FGFR1: variants seen among roughly 807,000 people sequenced by gnomAD.
FGFR1 encodes the protein FGFR1/PLAG1 fusion.
Under a neutral mutation model 93.7 loss-of-function variants are expected in FGFR1, and 18 were observed. The ratio of observed to expected loss-of-function variants is 0.19; its 90% CI spans 0.13 to 0.28. The LOEUF is 0.28. Among genes scored for constraint, FGFR1 ranks in the 10% least tolerant of loss-of-function variants. FGFR1 has a pLI of 1.00. For synonymous variants in FGFR1, 448 were observed against 429.3 expected, an observed-to-expected ratio of 1.04 and a Z score of -0.54; for missense variants, 731 against 1,080.4, an observed-to-expected ratio of 0.68 and a Z score of 4.53.
intron 2 of FGFR1, chr8:38,435,548 A>G (rs1276358221): frequency 6.6e-6 from 1 of 152,250 alleles, no homozygotes; most frequent in East Asian, 1.9e-4. Flanking sequence ...GGGGAGTTCT[A>G]TGTAAGGTGG....
rs1416150080 is a variant in FGFR1, at chr8:38,426,052, C to A, written c.745+70G>T. On this transcript the variant is annotated intron_variant, in intron 6 of 17. Transcript: ENST00000447712. The surrounding 1 kb of genome is among the most constrained non-coding windows in gnomAD (Gnocchi z 4.1). ...ACTCTGCCCCTAAGAAACCTGGACA[C>A]CCCGGCTGTGTTCTCCAAGCCTGGC... 5.0e-6 allele frequency: 8 copies of A among 1,609,034 alleles called. No individual in the cohort carries two copies. In the African/African-American group the frequency reaches 6.7e-5, roughly 13 times the overall value.
At chr8:38,452,952 C>T (rs898005936) in intron 2 of FGFR1, among the ~76,000 whole-genome samples, 4 of 152,042 alleles carry the variant, frequency 2.6e-5, no homozygotes, top group East Asian at 3.9e-4. Context: ...ACTCCAGCCT[C>T]GCGACAGAGT....
intron 2 of FGFR1, among the ~76,000 whole-genome samples, chr8:38,448,031 C>T (rs189943195): frequency 1.3e-5 from 2 of 152,286 alleles, no homozygotes; most frequent in Non-Finnish European, 2.9e-5. Context: ...AGTTCTTAAG[C>T]ATAATGAAAA....
At chr8:38,436,589 C>T (rs1166105808) in intron 2 of FGFR1, among the ~76,000 whole-genome samples, 1 of 151,994 alleles carries the variant, frequency 6.6e-6, no homozygotes, top group Non-Finnish European at 1.5e-5. Flanking sequence ...AGGCTGCAAC[C>T]AGTGCTCCTT....
chr8:38,427,733 A>G (rs1175927478), intron 5 of FGFR1, among the ~76,000 whole-genome samples, 188 bp downstream of exon 5: 4 of 152,270 alleles, frequency 2.6e-5, no homozygotes, highest in Admixed American at 6.5e-5. Context: ...TGTAAAAACC[A>G]TATTACAGAA....
intron 11 of FGFR1, among the ~76,000 whole-genome samples, 200 bp downstream of exon 11, chr8:38,417,669 GT>G (rs1817178030): frequency 6.6e-6 from 1 of 152,122 alleles, no homozygotes; most frequent in South Asian, 2.1e-4. Context: ...CACAGCCCAG[GT>G]TGACGCCAAG....
chr8:38,416,126 G>C (rs2150596032), intron 12 of FGFR1, 66 bp from the exon 13 acceptor site: 1 of 1,421,924 alleles, frequency 7.0e-7, no homozygotes, highest in Non-Finnish European at 9.6e-7. Flanking sequence ...TCACCTCAAA[G>C]AAACCCCACC....
chr8:38,423,004 T>C lies in FGFR1; in HGVS notation c.937-1063A>G, dbSNP rs1235035090. ...CCTACATCAAATCCCCAGCACAGGG[T>C]CCCATCCATCTCCCCATTACCTTTT... On this transcript the variant is annotated intron_variant, in intron 7 of 17. Transcript: ENST00000447712. 7 of 779,168 alleles carry C rather than the reference T, an allele frequency of 9.0e-6. No individual in the cohort carries two copies. In the East Asian group the frequency reaches 1.7e-4, roughly 19 times the overall value. The allele number at this position is 779,168 out of a possible 1,614,324, so 48.3% of individuals were successfully genotyped here.
At chr8:38,446,422 G>C (rs746523698) in intron 2 of FGFR1, among the ~76,000 whole-genome samples, 4 of 151,048 alleles carry the variant, frequency 2.6e-5, no homozygotes, top group Non-Finnish European at 5.9e-5. Flanking sequence ...TGTTGCCCAG[G>C]CTGGTCTCGA....
chr8:38,419,089 C>T (rs1817787442), intron 9 of FGFR1, among the ~76,000 whole-genome samples: 1 of 152,222 alleles, frequency 6.6e-6, no homozygotes, highest in African/African-American at 2.4e-5. Flanking sequence ...GAGGCCTCCC[C>T]AGCCACGTGG....
intron 1 of FGFR1, chr8:38,459,088 A>G: frequency 4.4e-6 from 1 of 228,696 alleles, no homozygotes; most frequent in Non-Finnish European, 8.7e-6. Context: ...AAAACTTAAA[A>G]CTCCCCAGGG....
In FGFR1 at chr8:38,417,885, C is replaced by A. The variant is rs1085307722; in HGVS notation, c.1537G>T (p.Val513Leu). Reference sequence around the variant, plus strand: ...CATCACTTACACTTCAACATCTTCACAGCCACTTTGGTCACACGGTTGGGT... The same window carrying A: ...CATCACTTACACTTCAACATCTTCAAAGCCACTTTGGTCACACGGTTGGGT... ...DKPNRVTKVA[V>L]KMLKSDATEK... The change falls in exon 11 of 18, where the codon GTG becomes TTG. Residue 513 changes from valine (V) to leucine (L), a missense_variant. Physicochemically the swap from Val to Leu is conservative, Grantham distance 32. Coordinates refer to ENST00000447712, the MANE Select transcript of FGFR1 (RefSeq NM_023110.3). 6.2e-7 allele frequency: 1 copy of A among 1,614,220 alleles called. No individual in the cohort carries two copies. Among genetic ancestry groups the A allele is most frequent in the South Asian group, 1.1e-5 (1 of 91,082 alleles).
At chr8:38,423,312 G>GTT (rs58594253) in intron 7 of FGFR1, 39,042 of 347,908 alleles carry the variant, frequency 0.11, 2,381 homozygotes, top group East Asian at 0.15. Context: ...TTCCCTTTTA[G>GTT]TTTTTTTTTT....
chr8:38,443,438 T>C (rs376104030), intron 2 of FGFR1, among the ~76,000 whole-genome samples: 3 of 150,844 alleles, frequency 2.0e-5, no homozygotes, highest in Admixed American at 2.0e-4. Flanking sequence ...GGTGAGAGGA[T>C]TGTTTGAGTC....
At chr8:38,432,688 G>A (rs539399735) in intron 2 of FGFR1, among the ~76,000 whole-genome samples, 4 of 152,214 alleles carry the variant, frequency 2.6e-5, no homozygotes, top group South Asian at 2.1e-4. Context: ...GAGCCATGGC[G>A]CCCAGCCGGG....
chr8:38,465,093 C>T (rs1176617427), intron 1 of FGFR1, among the ~76,000 whole-genome samples: 3 of 152,142 alleles, frequency 2.0e-5, no homozygotes, highest in African/African-American at 7.2e-5. Context: ...TAAAGCTAGC[C>T]CAGCCTGAGG....
intron 2 of FGFR1, among the ~76,000 whole-genome samples, chr8:38,455,227 C>T (rs1245535040): frequency 6.6e-6 from 1 of 152,080 alleles, no homozygotes; most frequent in Non-Finnish European, 1.5e-5. Context: ...CCTCCTGCCT[C>T]GGCTTCCCAA....
intron 12 of FGFR1, 46 bp downstream of exon 12, chr8:38,417,260 A>G: frequency 6.7e-7 from 1 of 1,484,494 alleles, no homozygotes; most frequent in Non-Finnish European, 9.4e-7. Flanking sequence ...CCCAGCTCAG[A>G]TCTTCTCCCC....
At chr8:38,438,542 CAA>C (rs544625250) in intron 2 of FGFR1, among the ~76,000 whole-genome samples, 24 of 76,290 alleles carry the variant, frequency 3.1e-4, no homozygotes, top group Non-Finnish European at 2.2e-4. Context: ...GACTCCGTCT[CAA>C]AAAAAAAAAA....
Sources: allele counts gnomAD v4.1 joint callset (sites outside exome capture counted in the v4.1 genomes callset), GRCh38; gene constraint gnomAD v4.1.1; non-coding constraint Gnocchi (gnomAD v3.1); transcripts MANE v1.5; gene names NCBI Gene and HGNC (gene_info 2026-07-23, HGNC 2026-07-21).